GLIS3: variants seen among roughly 807,000 people sequenced by gnomAD.
GLIS3 encodes the protein zinc finger protein GLIS3.
In GLIS3, 53 loss-of-function variants were observed where a neutral mutation model predicts 78.6. The observed-to-expected ratio is 0.67, with a 90% CI of 0.54 to 0.85. The LOEUF is 0.85. Among genes scored for constraint, GLIS3 ranks in the 40% least tolerant of loss-of-function variants. The pLI, the probability that GLIS3 is intolerant of heterozygous loss-of-function variation, is 0.00. For missense variants in GLIS3, 1,703 were observed against 1,231.1 expected (o/e 1.38, Z -5.74); for synonymous variants, 684 against 509.9 (o/e 1.34, Z -4.60).
intron 2 of GLIS3, among the ~76,000 whole-genome samples, chr9:4,146,968 A>T (rs536042536): frequency 6.6e-6 from 1 of 152,320 alleles, no homozygotes; most frequent in Non-Finnish European, 1.5e-5. Context: ...AAGCATCTTT[A>T]GAGTCAAATG....
At chr9:4,277,752 T>C (rs1827159663) in intron 2 of GLIS3, among the ~76,000 whole-genome samples, 1 of 152,260 alleles carries the variant, frequency 6.6e-6, no homozygotes, top group South Asian at 2.1e-4. Flanking sequence ...TAAAATTGTC[T>C]TAAATATTTA....
intron 4 of GLIS3, among the ~76,000 whole-genome samples, chr9:4,052,234 T>C (rs1283290819): frequency 6.6e-6 from 1 of 152,192 alleles, no homozygotes; most frequent in Non-Finnish European, 1.5e-5. Flanking sequence ...GACAGATAGG[T>C]ACATTTCGTT....
chr9:4,376,836 C>T, the GLIS3 span, among the ~76,000 whole-genome samples: 2 of 135,250 alleles, frequency 1.5e-5, no homozygotes, highest in African/African-American at 5.2e-5. Flanking sequence ...AGTATACAGG[C>T]ACAGTCTTTG....
intron 2 of GLIS3, among the ~76,000 whole-genome samples, chr9:4,229,460 C>A (rs1053068759): frequency 1.3e-5 from 2 of 152,154 alleles, no homozygotes; most frequent in Admixed American, 6.5e-5. Flanking sequence ...ACTGGAATAA[C>A]AGAAAAGTTA....
At chr9:4,194,598 A>G in intron 2 of GLIS3, among the ~76,000 whole-genome samples, 1 of 152,192 alleles carries the variant, frequency 6.6e-6, no homozygotes, top group East Asian at 1.9e-4. Context: ...TAATTCAAGA[A>G]AGCAAATGGA....
At chr9:4,161,796 C>G (rs1225355289) in intron 2 of GLIS3, among the ~76,000 whole-genome samples, 1 of 150,852 alleles carries the variant, frequency 6.6e-6, no homozygotes, top group South Asian at 2.1e-4. Context: ...CCTCCCCACT[C>G]AGCCTCTCAA....
chr9:3,922,615 A>G (rs537521325), intron 6 of GLIS3, among the ~76,000 whole-genome samples: 1 of 152,184 alleles, frequency 6.6e-6, no homozygotes, highest in East Asian at 1.9e-4. Flanking sequence ...GCTGGGGGTA[A>G]GGTGGGGAAG....
chr9:4,103,759 C>A (rs1029687816), intron 4 of GLIS3, among the ~76,000 whole-genome samples: 2 of 152,148 alleles, frequency 1.3e-5, no homozygotes, highest in African/African-American at 4.8e-5. Context: ...TCAATGTATT[C>A]TCTTGGAAGA....
intron 8 of GLIS3, among the ~76,000 whole-genome samples, chr9:3,859,414 T>C (rs1024993376): frequency 2.0e-5 from 3 of 149,172 alleles, no homozygotes; most frequent in Admixed American, 6.7e-5. Context: ...AAAATGAATA[T>C]GTTCTGAATA....
intron 2 of GLIS3, among the ~76,000 whole-genome samples, chr9:4,187,827 G>A (rs958402903): frequency 1.1e-4 from 17 of 152,234 alleles, no homozygotes; most frequent in Admixed American, 7.2e-4. Flanking sequence ...GAATGCTTGT[G>A]ATTTTTGCAC....
At chr9:4,307,574 T>A (rs1035548835) in intron 4 of GLIS3, among the ~76,000 whole-genome samples, 1 of 152,122 alleles carries the variant, frequency 6.6e-6, no homozygotes, top group African/African-American at 2.4e-5. Context: ...TCCTAACTCC[T>A]GGAACCTATG....
chr9:3,976,763 C>G (rs10974271), intron 4 of GLIS3, among the ~76,000 whole-genome samples: 1 of 111,006 alleles, frequency 9.0e-6, no homozygotes, highest in African/African-American at 3.5e-5. Flanking sequence ...CAAGGTTTCT[C>G]TATGGCATGG....
At chr9:4,215,955 T>C (rs1198740337) in intron 2 of GLIS3, among the ~76,000 whole-genome samples, 5 of 152,206 alleles carry the variant, frequency 3.3e-5, no homozygotes, top group African/African-American at 4.8e-5. Context: ...AATGAAATTA[T>C]TAATTCAAAT....
intron 4 of GLIS3, among the ~76,000 whole-genome samples, chr9:3,964,791 T>C (rs1048074244): frequency 7.2e-5 from 11 of 152,284 alleles, no homozygotes; most frequent in African/African-American, 2.2e-4. Flanking sequence ...TTCTGGGCAG[T>C]AGTAGGACAT....
intron 2 of GLIS3, among the ~76,000 whole-genome samples, chr9:4,232,152 A>G (rs1396557398): frequency 6.6e-6 from 1 of 152,138 alleles, no homozygotes; most frequent in African/African-American, 2.4e-5. Flanking sequence ...CTGAAGTGGG[A>G]GGACTGCTTG....
At chr9:4,364,074 C>T in the GLIS3 span, among the ~76,000 whole-genome samples, 5 of 152,150 alleles carry the variant, frequency 3.3e-5, no homozygotes, top group African/African-American at 4.8e-5. Context: ...AAAGCATATA[C>T]CATTTATGCA....
intron 4 of GLIS3, among the ~76,000 whole-genome samples, chr9:3,982,210 TC>T (rs984956624): frequency 2.6e-5 from 4 of 151,198 alleles, no homozygotes; most frequent in African/African-American, 9.8e-5. Context: ...CCTTTACCTC[TC>T]TGTTTTTTTT....
chr9:4,323,777 G>C (rs1043402691), intron 2 of GLIS3, among the ~76,000 whole-genome samples: 1 of 152,176 alleles, frequency 6.6e-6, no homozygotes, highest in Non-Finnish European at 1.5e-5. Context: ...GTCTATGTTT[G>C]ATTGCTATTA....
intron 2 of GLIS3, among the ~76,000 whole-genome samples, chr9:4,145,887 T>A (rs998333931): frequency 2.6e-5 from 4 of 152,190 alleles, no homozygotes; most frequent in Non-Finnish European, 5.9e-5. Flanking sequence ...CATTTAAGCC[T>A]GTATGATAAA....
Sources: allele counts gnomAD v4.1 joint callset (sites outside exome capture counted in the v4.1 genomes callset), GRCh38; gene constraint gnomAD v4.1.1; transcripts MANE v1.5; gene names NCBI Gene and HGNC (gene_info 2026-07-23, HGNC 2026-07-21).